N4BP2L2: variants seen among roughly 807,000 people sequenced by gnomAD.
N4BP2L2 encodes NEDD4 binding protein 2 like 2.
Under a neutral mutation model 56.2 loss-of-function variants are expected in N4BP2L2, and 50 were observed. The observed-to-expected ratio is 0.89, with a 90% confidence interval of 0.71 to 1.13. The LOEUF is 1.13. N4BP2L2 is among the 50% of genes most tolerant of loss of function. The pLI is 0.00. For synonymous variants in N4BP2L2, 203 were observed against 223.6 expected (o/e 0.91, Z 0.82); for missense variants, 689 against 693.8 (o/e 0.99, Z 0.08).
At chr13:32,435,636 T>A (rs962297194) in intron 9 of N4BP2L2, among the ~76,000 whole-genome samples, 3 of 152,352 alleles carry the variant, frequency 2.0e-5, no homozygotes, top group Middle Eastern at 3.4e-3. Flanking sequence ...ATTTTTCTAG[T>A]GGCCCCTGCA....
intron 6 of N4BP2L2, among the ~76,000 whole-genome samples, chr13:32,494,011 G>A (rs1230258137): frequency 3.9e-5 from 6 of 152,120 alleles, no homozygotes; most frequent in Non-Finnish European, 7.4e-5. Context: ...GGTGGCTCAC[G>A]CCTTTAATCC....
intron 6 of N4BP2L2, among the ~76,000 whole-genome samples, chr13:32,471,167 C>T (rs553682722): frequency 6.6e-6 from 1 of 152,258 alleles, no homozygotes; most frequent in South Asian, 2.1e-4. Context: ...ATGTGTTGGA[C>T]CTGGGGCCTA....
exon 8 of N4BP2L2, chr13:32,438,727 C>A (rs755804129): frequency 6.2e-7 from 1 of 1,607,594 alleles, no homozygotes; most frequent in Non-Finnish European, 8.5e-7. Context: ...AGTCATCAGG[C>A]AACAAGGATT....
intron 6 of N4BP2L2, among the ~76,000 whole-genome samples, chr13:32,484,572 C>T (rs2085467246): frequency 6.6e-6 from 1 of 152,042 alleles, no homozygotes; most frequent in Non-Finnish European, 1.5e-5. Context: ...CAACCTCCGC[C>T]TCCCGGGTTC....
In N4BP2L2 at chr13:32,453,262, A is replaced by G. The variant is rs953012943; in HGVS notation, c.366-9136T>C. 3.9e-5 allele frequency among the ~76,000 whole-genome samples: 6 copies of G among 152,352 alleles called. No individual in the cohort carries two copies. The South Asian group carries it at 1.0e-3, about 26-fold the overall frequency. On this transcript the variant is annotated intron_variant, in intron 6 of 9. Transcript: ENST00000357505. ...CAGAGGGAGACTTTGTCTTCAAAAA[A>G]AGAAAAGTCAACTAATGAGTGATGT...
intron 1 of N4BP2L2, among the ~76,000 whole-genome samples, chr13:32,537,886 G>A (rs2140382363): frequency 6.6e-6 from 1 of 152,200 alleles, no homozygotes; most frequent in Non-Finnish European, 1.5e-5. Flanking sequence ...CTGGCAACAT[G>A]GCCTAACTCC....
At chr13:32,493,878 TA>T (rs1184234702) in intron 6 of N4BP2L2, among the ~76,000 whole-genome samples, 1 of 152,222 alleles carries the variant, frequency 6.6e-6, no homozygotes, top group African/African-American at 2.4e-5. Flanking sequence ...AAGAAATGAC[TA>T]AAAGACAGGT....
chr13:32,518,008 C>T lies in N4BP2L2; in HGVS notation c.1551-5G>A. On this transcript the variant is annotated splice_region_variant and splice_polypyrimidine_tract_variant and intron_variant, in intron 5 of 5. Coordinates refer to ENST00000267068, the Ensembl canonical transcript of N4BP2L2. ...GACACACCATGTTTATTCCTCCTAA[C>T]AAAAAAGAAAAGGATTGTAAATCTT... 1.2e-6 allele frequency: 2 copies of T among 1,608,212 alleles called. No individual in the cohort carries two copies. Among genetic ancestry groups the T allele is most frequent in the Non-Finnish European group, 1.7e-6 (2 of 1,178,338 alleles).
chr13:32,438,714 CA>C lies in N4BP2L2; in HGVS notation c.2127del (p.Tyr709Ter). The C allele has an allele frequency of 6.2e-7, 1 of 1,610,056 alleles. No homozygotes were observed. The highest frequency in any genetic ancestry group is 1.1e-5 in the South Asian group (1 of 90,710). On this transcript the variant is annotated frameshift_variant, in exon 8 of 10. Coordinates refer to the N4BP2L2 transcript ENST00000357505. LOFTEE classifies it high-confidence loss of function. ...AGTGTCTTCCAGTCAAGGGGAACCA[CA>C]TAGTCATCAGGCAACAAGGATTCTG... is the stretch of plus-strand genomic sequence containing the variant.
At chr13:32,449,938 T>A (rs1233227505) in intron 6 of N4BP2L2, among the ~76,000 whole-genome samples, 2 of 152,210 alleles carry the variant, frequency 1.3e-5, no homozygotes, top group Non-Finnish European at 1.5e-5. Context: ...AGTGGCCATA[T>A]ATAGACAAAG....
At chr13:32,503,049 T>C (rs2090295287) in intron 6 of N4BP2L2, among the ~76,000 whole-genome samples, 1 of 151,528 alleles carries the variant, frequency 6.6e-6, no homozygotes, top group Admixed American at 6.6e-5. Context: ...GGTAGGCACC[T>C]GTAATCCCAG....
At chr13:32,493,605 G>C in intron 6 of N4BP2L2, among the ~76,000 whole-genome samples, 1 of 152,066 alleles carries the variant, frequency 6.6e-6, no homozygotes. Context: ...TTACAGCAAA[G>C]TCTCTGTCAA....
intron 6 of N4BP2L2, among the ~76,000 whole-genome samples, chr13:32,501,022 C>T (rs983846595): frequency 6.6e-6 from 1 of 152,052 alleles, no homozygotes; most frequent in Non-Finnish European, 1.5e-5. Flanking sequence ...GCATGCATCA[C>T]GACGCCCAGC....
chr13:32,536,168 T>C (rs2056502432), exon 2 of N4BP2L2: 11 of 1,613,752 alleles, frequency 6.8e-6, no homozygotes, highest in Middle Eastern at 1.7e-4. Context: ...GTTTAAATGA[T>C]AGTTCAAACT....
intron 2 of N4BP2L2, among the ~76,000 whole-genome samples, chr13:32,531,029 C>G (rs984902101): frequency 6.6e-6 from 1 of 152,126 alleles, no homozygotes; most frequent in African/African-American, 2.4e-5. Context: ...AGTCTCTAGC[C>G]AGCAAGGAAC....
At chr13:32,474,656 C>T (rs1227207977) in intron 6 of N4BP2L2, among the ~76,000 whole-genome samples, 1 of 152,160 alleles carries the variant, frequency 6.6e-6, no homozygotes, top group Non-Finnish European at 1.5e-5. Context: ...GATCGTGCCA[C>T]TGCACTCCGG....
At chr13:32,482,519 T>G (rs2084970499) in intron 6 of N4BP2L2, among the ~76,000 whole-genome samples, 1 of 151,896 alleles carries the variant, frequency 6.6e-6, no homozygotes, top group African/African-American at 2.4e-5. Context: ...AGCTAATTTT[T>G]TTTTTTTTTT....
intron 6 of N4BP2L2, among the ~76,000 whole-genome samples, chr13:32,448,273 CATCT>C (rs1012099606): frequency 6.6e-6 from 1 of 151,950 alleles, no homozygotes; most frequent in Non-Finnish European, 1.5e-5. Flanking sequence ...TCTTTAGAAA[CATCT>C]ATCTAGAAAG....
At chr13:32,484,652 T>C (rs1467347580) in intron 6 of N4BP2L2, among the ~76,000 whole-genome samples, 2 of 152,230 alleles carry the variant, frequency 1.3e-5, no homozygotes, top group East Asian at 3.9e-4. Context: ...GCCCAGCTAA[T>C]TTTTGTATTT....
Sources: gnomAD v4.1 joint callset for allele counts (sites outside exome capture counted in the v4.1 genomes callset) on GRCh38, gnomAD v4.1.1 for gene constraint, MANE v1.5 for transcripts, NCBI Gene and HGNC (gene_info 2026-07-23, HGNC 2026-07-21) for gene names.